Variants in CXXC4 observed in about 807,000 individuals in gnomAD.
CXXC4 encodes the protein CXXC finger protein 4.
A neutral mutation model predicts 20.5 loss-of-function variants in CXXC4; 5 were observed. The observed-to-expected ratio is 0.24, with a 90% CI of 0.13 to 0.51. The LOEUF (loss-of-function observed/expected upper bound fraction) is 0.51, where lower values mean the gene tolerates loss of function less well. CXXC4 is among the 20% of genes least tolerant of loss of function. The pLI is 0.97. For synonymous variants in CXXC4, 250 were observed against 216.4 expected (o/e 1.16, Z -1.36); for missense variants, 419 against 496.4 (o/e 0.84, Z 1.48).
intron 2 of CXXC4, among the ~76,000 whole-genome samples, chr4:104,490,536 C>T (rs566221118): frequency 6.6e-6 from 1 of 152,342 alleles, no homozygotes; most frequent in South Asian, 2.1e-4. Context: ...GGCACTCTCT[C>T]TATCAGAAGG....
intron 2 of CXXC4, among the ~76,000 whole-genome samples, chr4:104,482,670 T>C (rs1240752116): frequency 6.6e-6 from 1 of 152,156 alleles, no homozygotes; most frequent in Non-Finnish European, 1.5e-5. Context: ...ATTAAATTTA[T>C]ATGGTCTTCT....
chr4:104,482,370 T>G (rs1219262388), intron 2 of CXXC4, among the ~76,000 whole-genome samples: 1 of 152,160 alleles, frequency 6.6e-6, no homozygotes, highest in African/African-American at 2.4e-5. Flanking sequence ...GCTAATGTAT[T>G]TCTCTTTCGA....
chr4:104,494,040 C>A (rs769302123), intron 1 of CXXC4, among the ~76,000 whole-genome samples: 1 of 152,156 alleles, frequency 6.6e-6, no homozygotes, highest in Non-Finnish European at 1.5e-5. Flanking sequence ...CCATCACCAT[C>A]CCTCTTCCTA....
At chr4:104,474,365 T>C (rs1279170732) in intron 2 of CXXC4, among the ~76,000 whole-genome samples, 2 of 152,036 alleles carry the variant, frequency 1.3e-5, no homozygotes, top group Non-Finnish European at 1.5e-5. Context: ...GTAATAATTA[T>C]ACACATTGAT....
intron 2 of CXXC4, among the ~76,000 whole-genome samples, chr4:104,488,111 C>T (rs191201448): frequency 2.0e-5 from 3 of 152,124 alleles, no homozygotes; most frequent in African/African-American, 7.2e-5. Flanking sequence ...TTAATTGGCA[C>T]CCATAATTCA....
chr4:104,472,927 T>G (rs2110269373), intron 2 of CXXC4, among the ~76,000 whole-genome samples: 1 of 152,026 alleles, frequency 6.6e-6, no homozygotes, highest in South Asian at 2.1e-4. Flanking sequence ...TAAACATGAG[T>G]GAGACATATA....
At chr4:104,489,924 C>A (rs1174944429) in intron 2 of CXXC4, among the ~76,000 whole-genome samples, 1 of 152,122 alleles carries the variant, frequency 6.6e-6, no homozygotes, top group Non-Finnish European at 1.5e-5. Context: ...TTTGTAACCA[C>A]AAAATGGTTA....
At chr4:104,481,850 C>A in intron 2 of CXXC4, among the ~76,000 whole-genome samples, 1 of 152,180 alleles carries the variant, frequency 6.6e-6, no homozygotes, top group East Asian at 1.9e-4. Flanking sequence ...AAGGTATAGA[C>A]CTGCCTGGAA....
At chr4:104,478,584 G>A (rs114907408) in intron 2 of CXXC4, among the ~76,000 whole-genome samples, 385 of 152,098 alleles carry the variant, frequency 2.5e-3, no homozygotes, top group African/African-American at 7.3e-3. Flanking sequence ...GTTAAATTTC[G>A]TAAAAATACT....
chr4:104,469,767 T>A lies in CXXC4; in HGVS notation c.*2555A>T, dbSNP rs1207542437. 7.9e-5 allele frequency: 12 copies of A among 151,886 alleles called. No individual in the cohort carries two copies. The highest frequency in any genetic ancestry group is 1.9e-4 in the East Asian group (1 of 5,164). The allele number at this position is 151,886 out of a possible 1,614,324, so 9.4% of individuals were successfully genotyped here. A position where few individuals can be genotyped will look rare whatever the true frequency, so the allele number is the denominator to read the frequency against. On this transcript the variant is annotated 3_prime_UTR_variant, in exon 3 of 3. Transcript: ENST00000394767. ...AAGTGGGTGGTATAAAAGAACAATATCAAGAATAAAAAACATAAGAGAATT... is the reference window on the plus strand; with the variant it reads ...AAGTGGGTGGTATAAAAGAACAATAACAAGAATAAAAAACATAAGAGAATT...
At chr4:104,484,879 G>A (rs1409278822) in intron 2 of CXXC4, among the ~76,000 whole-genome samples, 1 of 151,906 alleles carries the variant, frequency 6.6e-6, no homozygotes, top group African/African-American at 2.4e-5. Flanking sequence ...TCAATTTCAG[G>A]ACAGGTGTTT....
At chr4:104,474,164 G>A (rs965293752) in intron 2 of CXXC4, among the ~76,000 whole-genome samples, 2 of 151,832 alleles carry the variant, frequency 1.3e-5, no homozygotes, top group Non-Finnish European at 2.9e-5. Flanking sequence ...CCTGAGCAGC[G>A]CTTTCTAAAA....
Position 104,470,604 on chromosome 4 carries a change from C to T in CXXC4, c.*1718G>A, listed in dbSNP as rs1736245418. On this transcript the variant is annotated 3_prime_UTR_variant, in exon 3 of 3. Transcript: ENST00000394767. ...TACTAGTCTTTCCTAATCTTTACAG[C>T]TTCTTTCATTGTACCATACCATTTC... The T allele has an allele frequency of 1.3e-5, 2 of 152,168 alleles. No individual in the cohort carries two copies. The highest frequency in any genetic ancestry group is 1.3e-4 in the Admixed American group (2 of 15,232). The allele number at this position is 152,168 out of a possible 1,614,324, so 9.4% of individuals were successfully genotyped here. A position where few individuals can be genotyped will look rare whatever the true frequency, so the allele number is the denominator to read the frequency against.
chr4:104,482,552 CTAATT>C (rs1374585604), intron 2 of CXXC4, among the ~76,000 whole-genome samples: 2 of 152,088 alleles, frequency 1.3e-5, no homozygotes, highest in East Asian at 1.9e-4. Context: ...CACCACTTAT[CTAATT>C]TAATCTATTT....
intron 2 of CXXC4, among the ~76,000 whole-genome samples, chr4:104,477,812 T>TA (rs897198724): frequency 3.3e-5 from 5 of 152,114 alleles, no homozygotes; most frequent in African/African-American, 1.2e-4. Flanking sequence ...TGCTCTGTTG[T>TA]AATAAATCCA....
chr4:104,474,555 C>T (rs979939234), intron 2 of CXXC4, among the ~76,000 whole-genome samples: 1 of 151,898 alleles, frequency 6.6e-6, no homozygotes, highest in African/African-American at 2.4e-5. Context: ...AGTATGCACA[C>T]TTATATAAAT....
intron 2 of CXXC4, among the ~76,000 whole-genome samples, chr4:104,486,986 C>G (rs1457550905): frequency 2.0e-5 from 3 of 152,134 alleles, no homozygotes; most frequent in Non-Finnish European, 4.4e-5. Flanking sequence ...AGTAAGCTAT[C>G]AAGTTAGAGA....
intron 2 of CXXC4, among the ~76,000 whole-genome samples, chr4:104,485,893 A>G (rs1254790289): frequency 6.6e-6 from 1 of 152,128 alleles, no homozygotes; most frequent in African/African-American, 2.4e-5. Flanking sequence ...CTGAGACTAA[A>G]CAAAATATAG....
chr4:104,488,876 G>C (rs1188664609), intron 2 of CXXC4, among the ~76,000 whole-genome samples: 1 of 152,132 alleles, frequency 6.6e-6, no homozygotes, highest in East Asian at 1.9e-4. Flanking sequence ...CTTAAATTGG[G>C]ATGCAAGTAG....
Sources: gnomAD v4.1 joint callset for allele counts (sites outside exome capture counted in the v4.1 genomes callset) on GRCh38, gnomAD v4.1.1 for gene constraint, MANE v1.5 for transcripts, NCBI Gene and HGNC (gene_info 2026-07-23, HGNC 2026-07-21) for gene names.